ARB2A: variants seen among roughly 807,000 people sequenced by gnomAD.
ARB2A encodes the protein ARB2 cotranscriptional regulator A.
chr5:93,655,528 T>C, the ARB2A span, among the ~76,000 whole-genome samples: 1 of 152,168 alleles, frequency 6.6e-6, no homozygotes, highest in African/African-American at 2.4e-5. Context: ...ATTTTTTTCC[T>C]CTGGTGCCCA....
chr5:93,941,411 A>G, the ARB2A span, among the ~76,000 whole-genome samples: 1 of 152,200 alleles, frequency 6.6e-6, no homozygotes, highest in East Asian at 1.9e-4. Flanking sequence ...AGATTTGAAA[A>G]AGACATCAGA....
the ARB2A span, among the ~76,000 whole-genome samples, chr5:93,992,695 A>AT: frequency 6.6e-6 from 1 of 152,090 alleles, no homozygotes; most frequent in Admixed American, 6.5e-5. Context: ...AAATTCAGTA[A>AT]TTACCATTCT....
chr5:93,900,734 A>C, the ARB2A span, among the ~76,000 whole-genome samples: 7 of 152,300 alleles, frequency 4.6e-5, no homozygotes, highest in Admixed American at 1.3e-4. Flanking sequence ...AAGTACAGAC[A>C]AACAATATTC....
the ARB2A span, among the ~76,000 whole-genome samples, chr5:94,069,964 A>G: frequency 2.6e-5 from 4 of 152,196 alleles, no homozygotes; most frequent in African/African-American, 4.8e-5. Flanking sequence ...AGGAATCAGT[A>G]TATCTAAAGG....
the ARB2A span, among the ~76,000 whole-genome samples, chr5:93,807,800 C>A: frequency 6.6e-6 from 1 of 151,852 alleles, no homozygotes; most frequent in Non-Finnish European, 1.5e-5. Flanking sequence ...ACTCAAACTG[C>A]AGAAACATCC....
At chr5:93,975,043 G>A in the ARB2A span, among the ~76,000 whole-genome samples, 8 of 152,050 alleles carry the variant, frequency 5.3e-5, no homozygotes, top group Non-Finnish European at 5.9e-5. Flanking sequence ...AGCTGGGCGC[G>A]GTGGCTCATG....
the ARB2A span, chr5:93,881,369 T>TA: frequency 1.1e-6 from 1 of 886,230 alleles, no homozygotes; most frequent in Non-Finnish European, 1.7e-6. Context: ...TGATGACAAA[T>TA]AAAAAAATTA....
At chr5:93,634,396 C>CAA in the ARB2A span, among the ~76,000 whole-genome samples, 1,794 of 142,468 alleles carry the variant, frequency 0.013, 43 homozygotes, top group African/African-American at 0.043. Context: ...GACACTGTCT[C>CAA]AAAAAAAAAC....
chr5:94,058,453 A>T, the ARB2A span, among the ~76,000 whole-genome samples: 1 of 152,308 alleles, frequency 6.6e-6, no homozygotes, highest in South Asian at 2.1e-4. Flanking sequence ...AGGAAAAAAC[A>T]TCTACTTCAA....
At chr5:94,037,719 A>T in the ARB2A span, among the ~76,000 whole-genome samples, 1 of 152,166 alleles carries the variant, frequency 6.6e-6, no homozygotes, top group Non-Finnish European at 1.5e-5. Flanking sequence ...TTCACATTAC[A>T]TAAAGGTATC....
At chr5:94,029,607 T>A in the ARB2A span, among the ~76,000 whole-genome samples, 2 of 152,228 alleles carry the variant, frequency 1.3e-5, no homozygotes. Context: ...AAACACACAA[T>A]GTCAGGCTGC....
chr5:94,055,840 G>T, the ARB2A span: 1 of 985,378 alleles, frequency 1.0e-6, no homozygotes, highest in Non-Finnish European at 1.2e-6. Flanking sequence ...ATCAGACATC[G>T]AAACTGTCCA....
At chr5:93,912,285 T>C in the ARB2A span, among the ~76,000 whole-genome samples, 1 of 151,794 alleles carries the variant, frequency 6.6e-6, no homozygotes, top group South Asian at 2.1e-4. Context: ...TCCCAAAATG[T>C]TCAGAATAAG....
At chr5:94,092,869 A>G in the ARB2A span, among the ~76,000 whole-genome samples, 7 of 152,262 alleles carry the variant, frequency 4.6e-5, no homozygotes, top group South Asian at 2.1e-4. Flanking sequence ...AAATACCTCA[A>G]TGTAGCAGGT....
the ARB2A span, among the ~76,000 whole-genome samples, chr5:93,953,002 T>C: frequency 6.6e-6 from 1 of 152,206 alleles, no homozygotes; most frequent in Non-Finnish European, 1.5e-5. Flanking sequence ...TCTTTTTTAT[T>C]ATTTCAATCT....
At chr5:94,077,607 T>A in the ARB2A span, among the ~76,000 whole-genome samples, 1 of 152,170 alleles carries the variant, frequency 6.6e-6, no homozygotes, top group Non-Finnish European at 1.5e-5. Context: ...ATAACCTGCA[T>A]GACCACAGAT....
the ARB2A span, among the ~76,000 whole-genome samples, chr5:93,761,232 C>T: frequency 4.6e-5 from 7 of 152,038 alleles, no homozygotes; most frequent in East Asian, 3.9e-4. Context: ...TGCAGCACAC[C>T]GAGCGTGAGC....
At chr5:94,078,025 A>C in the ARB2A span, among the ~76,000 whole-genome samples, 4 of 152,202 alleles carry the variant, frequency 2.6e-5, no homozygotes, top group African/African-American at 9.6e-5. Context: ...AATACTTCTT[A>C]TTTGCCCCGT....
chr5:93,949,505 G>A, the ARB2A span, among the ~76,000 whole-genome samples: 1 of 152,040 alleles, frequency 6.6e-6, no homozygotes, highest in African/African-American at 2.4e-5. Context: ...AGGTTGCAGT[G>A]AGCCGAGATC....
Sources: gnomAD v4.1 joint callset for allele counts (sites outside exome capture counted in the v4.1 genomes callset) on GRCh38, gnomAD v4.1.1 for gene constraint, MANE v1.5 for transcripts, NCBI Gene and HGNC (gene_info 2026-07-23, HGNC 2026-07-21) for gene names.